Variants in TRPC5 observed in about 807,000 individuals in gnomAD.
TRPC5 encodes short transient receptor potential channel 5.
Under a neutral mutation model 56.5 loss-of-function variants are expected in TRPC5, and 9 were observed. The observed-to-expected ratio is 0.16, with a 90% CI of 0.10 to 0.28. The LOEUF (loss-of-function observed/expected upper bound fraction) is 0.28, where lower values mean the gene tolerates loss of function less well. Ranked by LOEUF, TRPC5 falls within the 10% of genes least tolerant of loss-of-function variation. The pLI is 1.00. For synonymous variants in TRPC5, 282 were observed against 278.5 expected (o/e 1.01, Z -0.13); for missense variants, 469 against 748.9 (o/e 0.63, Z 4.36).
intron 3 of TRPC5, among the ~76,000 whole-genome samples, chrX:111,911,584 C>T (rs1925818478): frequency 8.9e-6 from 1 of 111,819 alleles, no homozygotes; most frequent in South Asian, 3.8e-4. Context: ...AGAACTACAC[C>T]TGTTTGATTG....
Position 111,852,251 on chromosome X carries a change from G to A in TRPC5, c.1377+47C>T, listed in dbSNP as rs139504959. On this transcript the variant is annotated intron_variant, in intron 5 of 10. Coordinates refer to ENST00000262839, the MANE Select transcript of TRPC5 (RefSeq NM_012471.3). Reference sequence around the variant, plus strand: ...TATGCTCTCAGTGCAAAAGCTTAATGTAGCCAAAATCGCTGTGTAGGAAAT... The same window carrying A: ...TATGCTCTCAGTGCAAAAGCTTAATATAGCCAAAATCGCTGTGTAGGAAAT... 4,828 of 1,173,166 alleles carry A rather than the reference G, an allele frequency of 4.1e-3. 111 individuals carry two copies. The African/African-American group carries it at 0.076, about 18-fold the overall frequency.
At chrX:111,924,012 G>A (rs1926194020) in intron 2 of TRPC5, among the ~76,000 whole-genome samples, 1 of 111,261 alleles carries the variant, frequency 9.0e-6, no homozygotes, top group Admixed American at 9.6e-5. Context: ...AATTTCTCTT[G>A]TAGATTGCTG....
At chrX:111,844,000 A>T (rs1339076569) in intron 6 of TRPC5, among the ~76,000 whole-genome samples, 2 of 108,604 alleles carry the variant, frequency 1.8e-5, no homozygotes, top group Non-Finnish European at 3.8e-5. Flanking sequence ...AGTAGAACTG[A>T]TAGGGCTGAG....
intron 7 of TRPC5, among the ~76,000 whole-genome samples, chrX:111,831,015 T>A (rs1922391716): frequency 8.9e-6 from 1 of 112,025 alleles, no homozygotes. Context: ...AGTATTAGAG[T>A]GGGGAATCTA....
chrX:111,855,671 T>G (rs1923205513), intron 3 of TRPC5, among the ~76,000 whole-genome samples: 1 of 112,410 alleles, frequency 8.9e-6, no homozygotes, highest in South Asian at 3.7e-4. Context: ...CATTATGTCC[T>G]CACACTTCCC....
At chrX:112,041,320 C>T (rs368447979) in intron 1 of TRPC5, among the ~76,000 whole-genome samples, 4 of 111,899 alleles carry the variant, frequency 3.6e-5, no homozygotes, top group East Asian at 5.6e-4. Context: ...ATTATAGTTA[C>T]CCGCTAAGAC....
At chrX:111,900,516 C>T (rs1290151944) in intron 3 of TRPC5, among the ~76,000 whole-genome samples, 1 of 111,729 alleles carries the variant, frequency 9.0e-6, no homozygotes, top group Non-Finnish European at 1.9e-5. Context: ...CTTATAAAGA[C>T]ATGTGTCAGC....
At chrX:111,933,525 C>A (rs1926478829) in intron 2 of TRPC5, among the ~76,000 whole-genome samples, 1 of 110,404 alleles carries the variant, frequency 9.1e-6, no homozygotes, top group Admixed American at 9.7e-5. Flanking sequence ...GGGAGGGAAG[C>A]CCTGAGTTGA....
chrX:112,076,665 C>T (rs1930843382), intron 1 of TRPC5, among the ~76,000 whole-genome samples: 1 of 111,451 alleles, frequency 9.0e-6, no homozygotes, highest in Admixed American at 9.6e-5. Context: ...TGTGTGTTTT[C>T]ATGCTGCATA....
At chrX:112,077,430 G>A (rs1475758917) in intron 1 of TRPC5, among the ~76,000 whole-genome samples, 3 of 112,084 alleles carry the variant, frequency 2.7e-5, no homozygotes, top group Non-Finnish European at 5.6e-5. Flanking sequence ...GATGCTTTTT[G>A]GATAAGCTCT....
intron 2 of TRPC5, among the ~76,000 whole-genome samples, chrX:111,945,190 T>G (rs1465272041): frequency 9.2e-6 from 1 of 108,893 alleles, no homozygotes; most frequent in East Asian, 2.9e-4. Context: ...TGAATTGCGG[T>G]TGGATTTGCT....
chrX:111,965,903 C>A (rs1267568508), intron 1 of TRPC5, among the ~76,000 whole-genome samples: 1 of 111,313 alleles, frequency 9.0e-6, no homozygotes, highest in African/African-American at 3.3e-5. Context: ...CCTAACATCA[C>A]AATTAAAAGA....
At chrX:111,967,611 G>A (rs1455180832) in intron 1 of TRPC5, among the ~76,000 whole-genome samples, 1 of 111,740 alleles carries the variant, frequency 8.9e-6, no homozygotes, top group African/African-American at 3.3e-5. Context: ...CATGGTACTG[G>A]TACCAAAACA....
chrX:111,872,192 A>G (rs1420457766), intron 3 of TRPC5, among the ~76,000 whole-genome samples: 1 of 112,372 alleles, frequency 8.9e-6, no homozygotes, highest in Non-Finnish European at 1.9e-5. Flanking sequence ...TATTAGCAAC[A>G]CAGAATGAAC....
chrX:111,901,941 T>C, intron 3 of TRPC5: 1 of 1,155,189 alleles, frequency 8.7e-7, no homozygotes. Flanking sequence ...TTACAATTCA[T>C]TCTACAAGTA....
intron 1 of TRPC5, among the ~76,000 whole-genome samples, chrX:112,068,214 G>T (rs1382914609): frequency 8.9e-6 from 1 of 112,083 alleles, no homozygotes; most frequent in Non-Finnish European, 1.9e-5. Flanking sequence ...TATCTTTCCT[G>T]CTGTCTGTAG....
intron 2 of TRPC5, among the ~76,000 whole-genome samples, chrX:111,950,796 C>T (rs1008479071): frequency 8.9e-6 from 1 of 112,363 alleles, no homozygotes; most frequent in African/African-American, 3.2e-5. Context: ...ATTCATTTCT[C>T]CCTTATGAAG....
chrX:111,813,815 A>G (rs902895806), intron 7 of TRPC5, among the ~76,000 whole-genome samples: 2 of 112,344 alleles, frequency 1.8e-5, no homozygotes, highest in African/African-American at 6.5e-5. Context: ...TCACTTGAGT[A>G]TAAGACCAGC....
At chrX:111,943,974 C>T (rs1467842949) in intron 2 of TRPC5, among the ~76,000 whole-genome samples, 1 of 111,986 alleles carries the variant, frequency 8.9e-6, no homozygotes, top group African/African-American at 3.2e-5. Context: ...AGTTATTGAC[C>T]TCTGTGTAGC....
Sources: allele counts gnomAD v4.1 joint callset (sites outside exome capture counted in the v4.1 genomes callset), GRCh38; gene constraint gnomAD v4.1.1; transcripts MANE v1.5; gene names NCBI Gene and HGNC (gene_info 2026-07-23, HGNC 2026-07-21).